MTMR11: variants seen among roughly 807,000 people sequenced by gnomAD.
The protein encoded by MTMR11 is myotubularin-related protein 11.
Under a neutral mutation model 100.0 loss-of-function variants are expected in MTMR11, and 89 were observed. The observed-to-expected ratio is 0.89, with a 90% CI of 0.75 to 1.06. The LOEUF is 1.06. MTMR11 is among the 50% of genes least tolerant of loss of function. MTMR11 has a pLI of 0.00. For missense variants in MTMR11, 809 were observed against 873.7 expected (o/e 0.93, Z 0.93); for synonymous variants, 336 against 326.3 (o/e 1.03, Z -0.32).
At chr1:149,934,066 G>A (rs1441522138) in intron 7 of MTMR11, 124 bp from the exon 8 acceptor site, 2 of 1,548,504 alleles carry the variant, frequency 1.3e-6, no homozygotes, top group African/African-American at 2.7e-5. Flanking sequence ...GATCTAGGAG[G>A]CAAGGGAGAT....
Position 149,932,285 on chromosome 1 carries a change from G to T in MTMR11, c.1031C>A (p.Thr344Lys). The T allele has an allele frequency of 6.2e-7, 1 of 1,614,070 alleles. No homozygotes were observed. The highest frequency in any genetic ancestry group is 8.5e-7 in the Non-Finnish European group (1 of 1,179,882). Residue 344 changes from threonine (T) to lysine (K), a missense_variant, in exon 11 of 17, where the codon ACA becomes AAA. Coordinates refer to ENST00000439741, the MANE Select transcript of MTMR11 (RefSeq NM_001145862.2). The stretch of plus-strand genomic sequence containing the variant: ...GTACCTGACATAGTCCAGCCATCGT[G>T]TTCCTTCCAGGGCTGAAAGCCATTT... ...EDKWLSALEG[T>K]RWLDYVRACL...
chr1:149,930,158 TGAG>T (rs780209329), intron 15 of MTMR11: 15 of 682,318 alleles, frequency 2.2e-5, no homozygotes, highest in Non-Finnish European at 3.4e-5. Context: ...TAAACAGACT[TGAG>T]GAAGGACAAA....
chr1:149,928,956 CAAG>C lies in MTMR11; in HGVS notation c.*170_*172del, dbSNP rs2092617309. 2 of 1,613,488 alleles carry C rather than the reference CAAG, an allele frequency of 1.2e-6. No individual in the cohort carries two copies. Among genetic ancestry groups the C allele is most frequent in the Non-Finnish European group, 1.7e-6 (2 of 1,179,738 alleles). ...TTTTGTTTCTTAATCCTTCAAATGA[CAAG>C]AAGCAAAAATATTTGTAGAAACTAA... On this transcript the variant is annotated 3_prime_UTR_variant, in exon 17 of 17. Transcript: ENST00000439741.
chr1:149,935,075 T>C lies in MTMR11; in HGVS notation c.379A>G (p.Ile127Val). ...CCATGAATCAGAATCTCCTCAGGGA[T>C]AAATTTATGCAGGGACCCTGGACGG... ...LLRPGSLHKF[I>V]PEEILIHGRD... Residue 127 changes from isoleucine (I) to valine (V), a missense_variant, in exon 5 of 17, where the codon ATC (isoleucine) becomes GTC (valine). Ile to Val is a conservative substitution (Grantham distance 29, BLOSUM62 3). Coordinates refer to ENST00000439741, the MANE Select transcript of MTMR11 (RefSeq NM_001145862.2). 3.7e-6 allele frequency: 6 copies of C among 1,614,128 alleles called. No individual in the cohort carries two copies. The highest frequency in any genetic ancestry group is 4.2e-6 in the Non-Finnish European group (5 of 1,180,026).
intron 16 of MTMR11, 83 bp from the exon 17 acceptor site, chr1:149,929,400 A>C: frequency 7.4e-7 from 1 of 1,356,578 alleles, no homozygotes; most frequent in Admixed American, 2.0e-5. Flanking sequence ...GGTGTCTTTA[A>C]TTCTGTTTCC....
intron 10 of MTMR11, 58 bp downstream of exon 10, chr1:149,933,348 T>G: frequency 6.3e-7 from 1 of 1,599,020 alleles, no homozygotes; most frequent in Middle Eastern, 1.7e-4. Context: ...GTAAACCAGG[T>G]TAGGCTCAGC....
Position 149,931,994 on chromosome 1 carries a change from C to T in MTMR11, c.1073G>A (p.Ser358Asn), listed in dbSNP as rs782268694. 6 of 1,613,824 alleles carry T rather than the reference C, an allele frequency of 3.7e-6. No homozygotes were observed. The African/African-American group carries it at 8.0e-5, about 22-fold the overall frequency. Residue 358 changes from serine (S) to asparagine (N), a missense_variant, in exon 12 of 17, where the codon AGT becomes AAT. By Grantham distance (46) the Ser-to-Asn change is conservative. Coordinates refer to ENST00000439741, the MANE Select transcript of MTMR11 (RefSeq NM_001145862.2). ...DYVRACLRKA[S>N]DISVLVTSRV... ...GGATGTCACTAATACTGAAATGTCA[C>T]TGGCCTTTCGAAGACAAGCCCTGGA...
rs782140130 is a variant in MTMR11 at position 149,932,280 on chromosome 1, A to G, written c.1036T>C (p.Trp346Arg). The change falls in exon 11 of 17, where the codon TGG becomes CGG. Residue 346 changes from tryptophan (W) to arginine (R), a missense_variant. Coordinates refer to ENST00000439741, the MANE Select transcript of MTMR11 (RefSeq NM_001145862.2). Reference protein sequence around the residue: ...KWLSALEGTRWLDYVRACLRK... With the variant: ...KWLSALEGTRRLDYVRACLRK... ...AGGGAGTACCTGACATAGTCCAGCC[A>G]TCGTGTTCCTTCCAGGGCTGAAAGC... 12 of 1,614,044 alleles carry G rather than the reference A, an allele frequency of 7.4e-6. No homozygotes were observed. In the Admixed American group the frequency reaches 1.5e-4, roughly 20 times the overall value.
Position 149,935,305 on chromosome 1 carries a change from C to T in MTMR11, c.319G>A (p.Glu107Lys), listed in dbSNP as rs782804575. 1 of 1,613,114 alleles carries T rather than the reference C, an allele frequency of 6.2e-7. No individual in the cohort carries two copies. Among genetic ancestry groups the T allele is most frequent in the Non-Finnish European group, 8.5e-7 (1 of 1,179,576 alleles). ...AAACCCCCCCCCAACTTACCAGCCT[C>T]TAATCGTCCAATGTTGACCAGGGCA... Reference protein sequence around the residue: ...DFALVNIGRLEAVSGLSRVQL... With the variant: ...DFALVNIGRLKAVSGLSRVQL... Residue 107 changes from glutamate (E) to lysine (K), a missense_variant, in exon 4 of 17, where the codon GAG becomes AAG. Transcript: ENST00000439741.
In MTMR11 at chr1:149,933,704, C is replaced by G. The variant is rs781873491; in HGVS notation, c.772-6G>C. On this transcript the variant is annotated splice_polypyrimidine_tract_variant and splice_region_variant and intron_variant, in intron 8 of 16. Coordinates refer to ENST00000439741, the MANE Select transcript of MTMR11 (RefSeq NM_001145862.2). Reference sequence around the variant, plus strand: ...GGGTGATGCCAGGACAAGCGCTTCACATGGGGCAGAAGAGGGTCATTGTGG... The same window carrying G: ...GGGTGATGCCAGGACAAGCGCTTCAGATGGGGCAGAAGAGGGTCATTGTGG... 4 of 1,614,136 alleles carry G rather than the reference C, an allele frequency of 2.5e-6. No homozygotes were observed. The highest frequency in any genetic ancestry group is 4.5e-5 in the East Asian group (2 of 44,886).
Position 149,933,954 on chromosome 1 carries a change from G to A in MTMR11, c.684-12C>T, listed in dbSNP as rs782765752. On this transcript the variant is annotated splice_polypyrimidine_tract_variant and intron_variant, in intron 7 of 16. Coordinates refer to ENST00000439741, the MANE Select transcript of MTMR11 (RefSeq NM_001145862.2). ...AGTAACGGGGGAGGCTGTGAAATGA[G>A]AGTGATATTACAGTTTGGCTCAGTG... 1.9e-6 allele frequency: 3 copies of A among 1,609,960 alleles called. No homozygotes were observed. In the Admixed American group the frequency reaches 5.0e-5, roughly 27 times the overall value.
Position 149,933,570 on chromosome 1 carries a change from A to C in MTMR11, c.860+40T>G, listed in dbSNP as rs1553768165. On this transcript the variant is annotated intron_variant, in intron 9 of 16. Transcript: ENST00000439741. ...GTCAGGAAATAAGGAGTCTACCCTG[A>C]GCACCTAACCCTTGATTCTTCTCAT... is the stretch of plus-strand genomic sequence containing the variant. 4 of 1,614,016 alleles carry C rather than the reference A, an allele frequency of 2.5e-6. No individual in the cohort carries two copies. In the South Asian group the frequency reaches 4.4e-5, roughly 18 times the overall value.
intron 4 of MTMR11, 31 bp from the exon 5 acceptor site, chr1:149,935,159 C>T (rs781991238): frequency 1.2e-6 from 2 of 1,613,354 alleles, no homozygotes; most frequent in Non-Finnish European, 1.7e-6. Flanking sequence ...ACAGTGTAAC[C>T]ATGGACCAGA....
At chr1:149,932,379 T>C in intron 10 of MTMR11, 49 bp from the exon 11 acceptor site, 1 of 1,457,162 alleles carries the variant, frequency 6.9e-7, no homozygotes, top group Non-Finnish European at 9.6e-7. Context: ...GAACTCAGGA[T>C]TCAGGATTCA....
At position 149,928,936 on chromosome 1, in the gene MTMR11, T is replaced by C. The variant is rs782321721; in HGVS notation, c.*193A>G. 4 of 1,613,982 alleles carry C rather than the reference T, an allele frequency of 2.5e-6. No individual in the cohort carries two copies. Among genetic ancestry groups the C allele is most frequent in the African/African-American group, 1.3e-5 (1 of 74,926 alleles). On this transcript the variant is annotated 3_prime_UTR_variant, in exon 17 of 17. Coordinates refer to ENST00000439741, the MANE Select transcript of MTMR11 (RefSeq NM_001145862.2). The stretch of plus-strand genomic sequence containing the variant: ...CCGATCAATTTCTGGATTGTTTTTG[T>C]TTCTTAATCCTTCAAATGACAAGAA...
At chr1:149,929,946 A>G (rs1553767114) in intron 15 of MTMR11, 30 bp from the exon 16 acceptor site, 1 of 1,591,376 alleles carries the variant, frequency 6.3e-7, no homozygotes, top group Non-Finnish European at 8.6e-7. Flanking sequence ...AACTGGCAAC[A>G]GAGAGACCAG....
At chr1:149,936,056 C>A in intron 2 of MTMR11, 98 bp downstream of exon 2, 1 of 1,336,132 alleles carries the variant, frequency 7.5e-7, no homozygotes. Flanking sequence ...TACTTCGAGC[C>A]ACGAGAGGAA....
Position 149,933,845 on chromosome 1 carries a change from T to C in MTMR11, c.771+10A>G. The C allele has an allele frequency of 6.2e-7, 1 of 1,613,546 alleles. No individual in the cohort carries two copies. The highest frequency in any genetic ancestry group is 8.5e-7 in the Non-Finnish European group (1 of 1,179,450). ...TAATCCACAGCCATTACCCTAACCA[T>C]CACACTGACCGGTCCACGGCCCTGA... On this transcript the variant is annotated intron_variant, in intron 8 of 16. Transcript: ENST00000439741.
In MTMR11 at chr1:149,936,692, C is replaced by A. The variant is rs966653671; in HGVS notation, c.-45G>T. On this transcript the variant is annotated 5_prime_UTR_variant, in exon 1 of 17. The change creates a new upstream start codon in the 5' untranslated region. Coordinates refer to ENST00000439741, the MANE Select transcript of MTMR11 (RefSeq NM_001145862.2). ...GACACAGCAGTTAAGGGTGGGAAAC[C>A]TCAAGGATGCTCACCCACCTCGGGG... The A allele has an allele frequency of 3.1e-6, 4 of 1,280,848 alleles. No individual in the cohort carries two copies. In the South Asian group the frequency reaches 3.8e-5, roughly 12 times the overall value. The allele number at this position is 1,280,848 out of a possible 1,614,324, so 79.3% of individuals were successfully genotyped here. A position where few individuals can be genotyped will look rare whatever the true frequency, so the allele number is the denominator to read the frequency against.
Sources: allele counts gnomAD v4.1 joint callset, GRCh38; gene constraint gnomAD v4.1.1; transcripts MANE v1.5; gene names NCBI Gene and HGNC (gene_info 2026-07-23, HGNC 2026-07-21).